Variants in KCNN3 observed in about 807,000 individuals in gnomAD.
KCNN3 encodes small conductance calcium-activated potassium channel protein 3.
A neutral mutation model predicts 62.9 loss-of-function variants in KCNN3; 16 were observed. The ratio of observed to expected loss-of-function variants is 0.25; its 90% CI spans 0.17 to 0.39. The LOEUF is 0.39. Ranked by LOEUF, KCNN3 falls within the 10% of genes least tolerant of loss-of-function variation. KCNN3 has a pLI of 1.00. For missense variants in KCNN3, 599 were observed against 949.4 expected (o/e 0.63, Z 4.85); for synonymous variants, 370 against 389.2 (o/e 0.95, Z 0.58).
chr1:154,755,566 G>GAA (rs530376071), intron 3 of KCNN3, among the ~76,000 whole-genome samples: 1 of 87,940 alleles, frequency 1.1e-5, no homozygotes, highest in African/African-American at 4.5e-5. Flanking sequence ...AAGAAAGAAA[G>GAA]AGAGAGAGAG....
intron 3 of KCNN3, among the ~76,000 whole-genome samples, chr1:154,756,926 C>T (rs912573964): frequency 6.6e-6 from 1 of 152,190 alleles, no homozygotes; most frequent in Non-Finnish European, 1.5e-5. Flanking sequence ...CACACCTATA[C>T]ATAACAGTAT....
At chr1:154,798,916 ATTTTT>A (rs56240234) in intron 2 of KCNN3, among the ~76,000 whole-genome samples, 96 of 131,270 alleles carry the variant, frequency 7.3e-4, no homozygotes, top group African/African-American at 2.3e-3. Flanking sequence ...CACTTATTGC[ATTTTT>A]TTTTTTTTTT....
At chr1:154,810,795 C>A (rs942125057) in intron 2 of KCNN3, among the ~76,000 whole-genome samples, 2 of 152,172 alleles carry the variant, frequency 1.3e-5, no homozygotes, top group Non-Finnish European at 2.9e-5. Flanking sequence ...CTCAGCCCAC[C>A]TTCTAGGCTG....
At chr1:154,800,298 A>G (rs1044382085) in intron 2 of KCNN3, among the ~76,000 whole-genome samples, 2 of 152,126 alleles carry the variant, frequency 1.3e-5, no homozygotes, top group African/African-American at 2.4e-5. Flanking sequence ...TCACCCATCC[A>G]TTCTATCGCA....
In KCNN3 at chr1:154,698,826, T is replaced by G. The variant is rs1699793422; in HGVS notation, c.*9150A>C. On this transcript the variant is annotated 3_prime_UTR_variant, in exon 8 of 8. Transcript: ENST00000271915. The stretch of plus-strand genomic sequence containing the variant: ...TGTGTTACCAAAAGGAAGCCATATT[T>G]GGAGCTGGTCTAAGCTCCAGCCCCT... The G allele has an allele frequency of 6.6e-6, 1 of 152,216 alleles. No individual in the cohort carries two copies. The highest frequency in any genetic ancestry group is 1.5e-5 in the Non-Finnish European group (1 of 68,046). 9.4% of individuals were successfully genotyped at this position (152,216 alleles called of 1,614,324 possible).
At chr1:154,726,536 CGAAT>C (rs1294465071) in intron 4 of KCNN3, among the ~76,000 whole-genome samples, 1 of 152,202 alleles carries the variant, frequency 6.6e-6, no homozygotes, top group Non-Finnish European at 1.5e-5. Context: ...TGAAAATAAT[CGAAT>C]GAAGAGGCAA....
chr1:154,830,869 A>T (rs1371074036), intron 1 of KCNN3, among the ~76,000 whole-genome samples: 1 of 152,210 alleles, frequency 6.6e-6, no homozygotes, highest in Non-Finnish European at 1.5e-5. Context: ...GTCATTTAGG[A>T]GACCACGCTC....
chr1:154,730,962 G>A (rs1300006113), intron 4 of KCNN3, among the ~76,000 whole-genome samples: 1 of 152,196 alleles, frequency 6.6e-6, no homozygotes. Context: ...CTGTGCCAGA[G>A]TAGAGCCAGG....
At chr1:154,716,331 G>A (rs1205489044) in intron 5 of KCNN3, among the ~76,000 whole-genome samples, 1 of 152,272 alleles carries the variant, frequency 6.6e-6, no homozygotes, top group Non-Finnish European at 1.5e-5. Flanking sequence ...CATGCAGACT[G>A]GCATGTGTCC....
intron 2 of KCNN3, among the ~76,000 whole-genome samples, chr1:154,783,709 A>G (rs1416865316): frequency 6.6e-6 from 1 of 152,136 alleles, no homozygotes. Flanking sequence ...AGGAGAGGGG[A>G]GCTGGCTAAG....
intron 7 of KCNN3, among the ~76,000 whole-genome samples, chr1:154,709,899 G>GTGC (rs1458442588): frequency 3.9e-5 from 6 of 152,200 alleles, no homozygotes; most frequent in African/African-American, 1.2e-4. Context: ...CCCCACGCTG[G>GTGC]TGCTCACCAA....
intron 6 of KCNN3, among the ~76,000 whole-genome samples, chr1:154,713,816 C>T (rs1700125906): frequency 6.6e-6 from 1 of 151,414 alleles, no homozygotes; most frequent in African/African-American, 2.4e-5. Flanking sequence ...TGTTGAGTGC[C>T]TTATTCTCAA....
rs1553231996 is a variant in KCNN3, at chr1:154,766,416, T to TTTTATATATATATATATATA, written c.1448+5558_1448+5559insTATATATATATATATATAAA. On this transcript the variant is annotated intron_variant, in intron 3 of 7. Coordinates refer to ENST00000271915, the MANE Select transcript of KCNN3 (RefSeq NM_002249.6). ...CCATTTATTAAATACTAGCCAGGCTTTATATATATATATATATATATATAT... is the reference window on the plus strand; with the variant it reads ...CCATTTATTAAATACTAGCCAGGCTTTTTATATATATATATATATATATATATATATATATATATATATAT... Among the ~76,000 whole-genome samples the TTTTATATATATATATATATA allele has an allele frequency of 4.5e-4, 32 of 71,802 alleles. 1 individual carries two copies. The highest frequency in any genetic ancestry group is 5.8e-4 in the South Asian group (1 of 1,718). The allele number at this position is 71,802 out of a possible 152,430, so 47.1% of individuals were successfully genotyped here. A position where few individuals can be genotyped will look rare whatever the true frequency, so the allele number is the denominator to read the frequency against.
intron 1 of KCNN3, among the ~76,000 whole-genome samples, chr1:154,847,208 C>G (rs11576820): frequency 3.4e-4 from 51 of 151,866 alleles, no homozygotes; most frequent in African/African-American, 1.1e-3. Flanking sequence ...CTCACTACCC[C>G]CCCCTGCCCT....
At chr1:154,737,175 A>T in intron 3 of KCNN3, 1 of 262,410 alleles carries the variant, frequency 3.8e-6, no homozygotes, top group Non-Finnish European at 7.9e-6. Flanking sequence ...CTCACATACT[A>T]ATCTTGTGCT....
chr1:154,843,387 C>A (rs745905332), intron 1 of KCNN3, among the ~76,000 whole-genome samples: 1 of 152,186 alleles, frequency 6.6e-6, no homozygotes, highest in Admixed American at 6.5e-5. Context: ...CATCCCCGGG[C>A]TTCCAGGCAG....
At chr1:154,776,056 G>A (rs1408119561) in intron 2 of KCNN3, among the ~76,000 whole-genome samples, 2 of 152,220 alleles carry the variant, frequency 1.3e-5, no homozygotes, top group African/African-American at 2.4e-5. Context: ...TCTGCCCAGC[G>A]AGACGGGAGG....
intron 1 of KCNN3, among the ~76,000 whole-genome samples, chr1:154,824,648 C>T (rs1174714894): frequency 6.6e-6 from 1 of 152,198 alleles, no homozygotes; most frequent in African/African-American, 2.4e-5. Flanking sequence ...CATCACACCT[C>T]CCCGGGAAGG....
At chr1:154,748,286 CG>C (rs1700984321) in intron 3 of KCNN3, among the ~76,000 whole-genome samples, 1 of 151,968 alleles carries the variant, frequency 6.6e-6, no homozygotes, top group Non-Finnish European at 1.5e-5. Context: ...CTCAGTCTGC[CG>C]CCCGCGCCTG....
Sources: allele counts gnomAD v4.1 joint callset (sites outside exome capture counted in the v4.1 genomes callset), GRCh38; gene constraint gnomAD v4.1.1; transcripts MANE v1.5; gene names NCBI Gene and HGNC (gene_info 2026-07-23, HGNC 2026-07-21).